Variants in ARHGEF4 observed in about 807,000 individuals in gnomAD.
The protein encoded by ARHGEF4 is Rho guanine nucleotide exchange factor 4, also known as APC-stimulated guanine nucleotide exchange factor 1.
Under a neutral mutation model 162.0 loss-of-function variants are expected in ARHGEF4, and 119 were observed. The observed-to-expected ratio is 0.73, with a 90% CI of 0.63 to 0.86. The LOEUF (loss-of-function observed/expected upper bound fraction) is 0.86. Among genes scored for constraint, ARHGEF4 ranks in the 40% least tolerant of loss-of-function variants. ARHGEF4 has a pLI of 0.00. For missense variants in ARHGEF4, 2,488 were observed against 2,456.0 expected (o/e 1.01, Z -0.28); for synonymous variants, 1,014 against 979.9 (o/e 1.03, Z -0.65).
intron 1 of ARHGEF4, among the ~76,000 whole-genome samples, chr2:130,855,527 G>A (rs1401761574): frequency 6.6e-6 from 1 of 152,178 alleles, no homozygotes; most frequent in African/African-American, 2.4e-5. Flanking sequence ...CAGCAACAAT[G>A]TGTGACAACC....
At chr2:130,935,024 A>G (rs986446856) in intron 3 of ARHGEF4, among the ~76,000 whole-genome samples, 1 of 152,024 alleles carries the variant, frequency 6.6e-6, no homozygotes, top group East Asian at 1.9e-4. Context: ...AGTAATTTGT[A>G]TTTTCTCTCT....
chr2:131,041,753 G>T, intron 9 of ARHGEF4, 62 bp from the exon 10 acceptor site: 1 of 1,580,728 alleles, frequency 6.3e-7, no homozygotes. Context: ...GGGGCTGCAG[G>T]GGATCCTCAC....
At chr2:131,044,252 G>C in intron 11 of ARHGEF4, 47 bp from the exon 12 acceptor site, 1 of 1,602,302 alleles carries the variant, frequency 6.2e-7, no homozygotes, top group Non-Finnish European at 8.5e-7. Context: ...CCAGGAAATG[G>C]TCAGGGGAGC....
At chr2:131,007,691 A>C (rs1206100367) in intron 4 of ARHGEF4, among the ~76,000 whole-genome samples, 1 of 151,844 alleles carries the variant, frequency 6.6e-6, no homozygotes. Flanking sequence ...TTTTTTCATA[A>C]ATAAGATCAC....
At chr2:130,917,809 C>T (rs1426132133) in intron 2 of ARHGEF4, among the ~76,000 whole-genome samples, 5 of 141,546 alleles carry the variant, frequency 3.5e-5, no homozygotes, top group Admixed American at 1.5e-4. Context: ...CTTTTCTTTT[C>T]TTTTTCTTTT....
intron 6 of ARHGEF4, 128 bp from the exon 7 acceptor site, chr2:131,039,888 C>A: frequency 2.1e-6 from 3 of 1,433,138 alleles, no homozygotes; most frequent in Non-Finnish European, 2.7e-6. Context: ...GCTGGCCGGC[C>A]AGTCCTCAGC....
chr2:130,928,045 T>C (rs1349562771), intron 2 of ARHGEF4, among the ~76,000 whole-genome samples: 2 of 152,206 alleles, frequency 1.3e-5, no homozygotes, highest in African/African-American at 4.8e-5. Context: ...TTTTTCCCTA[T>C]TTGTTTATTT....
intron 4 of ARHGEF4, among the ~76,000 whole-genome samples, chr2:130,993,485 ATC>A (rs755740745): frequency 5.7e-4 from 87 of 152,132 alleles, no homozygotes; most frequent in Non-Finnish European, 1.0e-3. Flanking sequence ...TTTAGGTCAA[ATC>A]TCTCTGTCTT....
At chr2:131,008,489 C>T (rs546723173) in intron 4 of ARHGEF4, among the ~76,000 whole-genome samples, 3 of 152,156 alleles carry the variant, frequency 2.0e-5, no homozygotes, top group Admixed American at 2.0e-4. Flanking sequence ...ACAACAGTCT[C>T]TTTCTTTTAA....
At chr2:130,982,224 C>G (rs1422619390) in intron 4 of ARHGEF4, among the ~76,000 whole-genome samples, 3 of 152,064 alleles carry the variant, frequency 2.0e-5, no homozygotes, top group African/African-American at 7.2e-5. Context: ...ATCTCGAACT[C>G]CTGACCTCAG....
intron 1 of ARHGEF4, among the ~76,000 whole-genome samples, chr2:130,841,262 C>T (rs1402219078): frequency 1.3e-5 from 2 of 151,886 alleles, no homozygotes; most frequent in Admixed American, 6.6e-5. Flanking sequence ...GATGGGATTT[C>T]GCTATGCTGG....
At chr2:130,883,411 G>C (rs1411106644) in intron 1 of ARHGEF4, among the ~76,000 whole-genome samples, 1 of 152,130 alleles carries the variant, frequency 6.6e-6, no homozygotes, top group Non-Finnish European at 1.5e-5. Flanking sequence ...ACCGTTCCCT[G>C]TGTGTATAAG....
At chr2:130,850,923 A>C (rs1681365495) in intron 1 of ARHGEF4, among the ~76,000 whole-genome samples, 1 of 152,226 alleles carries the variant, frequency 6.6e-6, no homozygotes, top group African/African-American at 2.4e-5. Flanking sequence ...CTTCTGTCCC[A>C]TGCAGGCCTG....
At chr2:130,925,424 A>G (rs1682180801) in intron 2 of ARHGEF4, among the ~76,000 whole-genome samples, 1 of 152,172 alleles carries the variant, frequency 6.6e-6, no homozygotes, top group Non-Finnish European at 1.5e-5. Context: ...CATCCAAAGC[A>G]AAAAAAGAAA....
At chr2:130,922,059 C>G (rs1411369732) in intron 2 of ARHGEF4, among the ~76,000 whole-genome samples, 1 of 151,636 alleles carries the variant, frequency 6.6e-6, no homozygotes, top group Non-Finnish European at 1.5e-5. Flanking sequence ...TCAAAAAGGT[C>G]AGAATCTAGT....
intron 5 of ARHGEF4, among the ~76,000 whole-genome samples, chr2:131,030,737 G>A (rs563753773): frequency 2.0e-4 from 31 of 152,344 alleles, no homozygotes; most frequent in African/African-American, 6.7e-4. Flanking sequence ...CCAGCACAGC[G>A]CTGCAGCAAG....
intron 4 of ARHGEF4, among the ~76,000 whole-genome samples, chr2:131,022,014 G>A (rs952669179): frequency 2.6e-5 from 4 of 152,128 alleles, no homozygotes; most frequent in East Asian, 1.9e-4. Flanking sequence ...ATTTGGTCCT[G>A]ATATATAATC....
intron 1 of ARHGEF4, among the ~76,000 whole-genome samples, chr2:130,851,388 A>G (rs2459788): frequency 0.8 from 121,369 of 152,290 alleles, 48,945 homozygotes; most frequent in African/African-American, 0.92. Context: ...GTCTTCTCAG[A>G]GGAAGGAAGC....
intron 4 of ARHGEF4, among the ~76,000 whole-genome samples, chr2:130,986,654 T>C (rs1686522592): frequency 6.6e-6 from 1 of 152,120 alleles, no homozygotes; most frequent in Non-Finnish European, 1.5e-5. Flanking sequence ...CTTGGGACCC[T>C]CCACCAGCAG....
Sources: allele counts gnomAD v4.1 joint callset (sites outside exome capture counted in the v4.1 genomes callset), GRCh38; gene constraint gnomAD v4.1.1; transcripts MANE v1.5; gene names NCBI Gene and HGNC (gene_info 2026-07-23, HGNC 2026-07-21).